Variants in STPG2 observed in about 807,000 individuals in gnomAD.
STPG2 encodes the protein sperm-tail PG-rich repeat-containing protein 2.
Under a neutral mutation model 54.2 loss-of-function variants are expected in STPG2, and 56 were observed. The ratio of observed to expected loss-of-function variants is 1.03; its 90% CI spans 0.83 to 1.29. The LOEUF (loss-of-function observed/expected upper bound fraction) is 1.29. STPG2 is among the 50% of genes most tolerant of loss of function. The pLI, the probability that STPG2 is intolerant of heterozygous loss-of-function variation, is 0.00. For missense variants in STPG2, 596 were observed against 544.9 expected, an observed-to-expected ratio of 1.09 and a Z score of -0.93; for synonymous variants, 200 against 181.8, an observed-to-expected ratio of 1.10 and a Z score of -0.81.
chr4:97,975,824 C>T (rs1038023701), intron 6 of STPG2, among the ~76,000 whole-genome samples: 13 of 152,114 alleles, frequency 8.5e-5, no homozygotes, highest in African/African-American at 2.4e-4. Flanking sequence ...GAACAATCTA[C>T]AAGATAAGGG....
At chr4:97,769,221 G>A (rs1305870611) in intron 9 of STPG2, among the ~76,000 whole-genome samples, 1 of 152,088 alleles carries the variant, frequency 6.6e-6, no homozygotes, top group African/African-American at 2.4e-5. Context: ...GCACAAGGTA[G>A]CTTGCACTCT....
At chr4:97,770,726 A>G (rs1025660204) in intron 9 of STPG2, among the ~76,000 whole-genome samples, 3 of 152,186 alleles carry the variant, frequency 2.0e-5, no homozygotes, top group African/African-American at 7.2e-5. Context: ...GCACTTGCTG[A>G]TGAACTGGGA....
intron 9 of STPG2, among the ~76,000 whole-genome samples, chr4:97,773,863 C>T (rs1726291328): frequency 6.6e-6 from 1 of 151,976 alleles, no homozygotes; most frequent in African/African-American, 2.4e-5. Context: ...TTAAAAATAT[C>T]AGAAAGCTTG....
intron 8 of STPG2, chr4:97,892,982 A>G (rs1730828570): frequency 6.6e-6 from 1 of 152,178 alleles, no homozygotes; most frequent in South Asian, 2.1e-4. Flanking sequence ...AGTATTCAAC[A>G]GAGAATTAAA....
rs573002393 is a variant in STPG2, at chr4:98,143,154, G to C, written c.-4C>G. ...GGCGGGGAGCCCGATCATACATAGT[G>C]CTCGGGGTGGTGGGGGCGCTGGGGA... On this transcript the variant is annotated 5_prime_UTR_variant, in exon 1 of 11. Transcript: ENST00000295268. 17 of 1,610,972 alleles carry C rather than the reference G, an allele frequency of 1.1e-5. No homozygotes were observed. In the South Asian group the frequency reaches 1.9e-4, roughly 18 times the overall value.
At chr4:97,484,777 T>C (rs759336106) in intron 4 of STPG2, among the ~76,000 whole-genome samples, 10 of 151,774 alleles carry the variant, frequency 6.6e-5, no homozygotes, top group Non-Finnish European at 1.3e-4. Context: ...TACAGACCAA[T>C]ATCCCTGATG....
chr4:97,834,850 C>T (rs193216046), intron 9 of STPG2, among the ~76,000 whole-genome samples: 4 of 152,150 alleles, frequency 2.6e-5, no homozygotes, highest in Admixed American at 2.6e-4. Context: ...GAGCTCCTCT[C>T]TACCCTGAAT....
intron 10 of STPG2, among the ~76,000 whole-genome samples, chr4:97,643,850 T>G (rs1471578326): frequency 3.3e-5 from 5 of 151,970 alleles, no homozygotes; most frequent in Non-Finnish European, 4.4e-5. Context: ...ACCTTATTTT[T>G]GGGCATAGTT....
intron 7 of STPG2, among the ~76,000 whole-genome samples, chr4:97,964,499 T>C (rs1428807654): frequency 6.6e-6 from 1 of 152,150 alleles, no homozygotes; most frequent in African/African-American, 2.4e-5. Flanking sequence ...TTGCACAGAA[T>C]ATAGACTTAT....
intron 10 of STPG2, among the ~76,000 whole-genome samples, 180 bp downstream of exon 10, chr4:97,712,519 C>A (rs994062769): frequency 2.0e-5 from 3 of 152,046 alleles, no homozygotes; most frequent in African/African-American, 4.8e-5. Context: ...TTCTTAAATT[C>A]TTAAATAATT....
intron 8 of STPG2, among the ~76,000 whole-genome samples, chr4:97,905,795 G>T (rs1386601679): frequency 6.6e-6 from 1 of 151,950 alleles, no homozygotes; most frequent in Non-Finnish European, 1.5e-5. Context: ...AAAAAGGCAG[G>T]AGTTGCAATT....
At chr4:98,099,726 T>A (rs1019068633) in intron 5 of STPG2, among the ~76,000 whole-genome samples, 2 of 152,110 alleles carry the variant, frequency 1.3e-5, no homozygotes, top group African/African-American at 4.8e-5. Flanking sequence ...AAACATCTCA[T>A]GTACCCCATA....
intron 9 of STPG2, among the ~76,000 whole-genome samples, chr4:97,747,044 C>T (rs1725439200): frequency 6.6e-6 from 1 of 150,840 alleles, no homozygotes; most frequent in African/African-American, 2.4e-5. Flanking sequence ...CAGTAATATC[C>T]CCAAAAGTCT....
chr4:97,723,642 T>C (rs987356706), intron 9 of STPG2, among the ~76,000 whole-genome samples: 7 of 152,318 alleles, frequency 4.6e-5, no homozygotes, highest in African/African-American at 1.7e-4. Flanking sequence ...ATTTTCACAC[T>C]GCTATAAAGA....
At chr4:98,134,071 A>G (rs1484193305) in intron 2 of STPG2, among the ~76,000 whole-genome samples, 4 of 151,942 alleles carry the variant, frequency 2.6e-5, no homozygotes, top group Admixed American at 6.6e-5. Flanking sequence ...ATGGGCCATA[A>G]TTCATTCAAG....
At chr4:97,672,139 T>G (rs1344505982) in intron 10 of STPG2, among the ~76,000 whole-genome samples, 1 of 151,496 alleles carries the variant, frequency 6.6e-6, no homozygotes, top group Non-Finnish European at 1.5e-5. Flanking sequence ...CTCAAAAAAG[T>G]TAAATTTTTC....
At chr4:97,836,143 T>C (rs944249926) in intron 9 of STPG2, among the ~76,000 whole-genome samples, 2 of 152,032 alleles carry the variant, frequency 1.3e-5, no homozygotes, top group Non-Finnish European at 2.9e-5. Context: ...AGAAGTTCTA[T>C]TGTGGGTCAA....
intron 9 of STPG2, among the ~76,000 whole-genome samples, chr4:97,731,425 G>A (rs1487302500): frequency 6.6e-6 from 1 of 152,128 alleles, no homozygotes; most frequent in Non-Finnish European, 1.5e-5. Context: ...TTAGCCACGT[G>A]CCTCTTCTGT....
intron 8 of STPG2, among the ~76,000 whole-genome samples, chr4:97,891,813 TA>T (rs1439873148): frequency 2.0e-5 from 3 of 152,156 alleles, no homozygotes; most frequent in Non-Finnish European, 4.4e-5. Context: ...TTAACTATAA[TA>T]CAGCAATATT....
Sources: gnomAD v4.1 joint callset for allele counts (sites outside exome capture counted in the v4.1 genomes callset) on GRCh38, gnomAD v4.1.1 for gene constraint, MANE v1.5 for transcripts, NCBI Gene and HGNC (gene_info 2026-07-23, HGNC 2026-07-21) for gene names.